TENM2: variants seen among roughly 807,000 people sequenced by gnomAD.
The protein encoded by TENM2 is teneurin transmembrane protein 2.
In TENM2, 52 loss-of-function variants were observed where a neutral mutation model predicts 245.2. The observed-to-expected ratio is 0.21, with a 90% CI of 0.17 to 0.27. TENM2 has a LOEUF of 0.27. Ranked by LOEUF, TENM2 falls within the 10% of genes least tolerant of loss-of-function variation. TENM2 has a pLI of 1.00. For missense variants in TENM2, 3,046 were observed against 3,666.8 expected (o/e 0.83, Z 4.37); for synonymous variants, 1,363 against 1,438.9 (o/e 0.95, Z 1.19).
intron 2 of TENM2, among the ~76,000 whole-genome samples, chr5:167,394,925 A>C (rs1331569700): frequency 1.3e-5 from 2 of 152,146 alleles, no homozygotes; most frequent in Admixed American, 1.3e-4. Context: ...AGGACATGTG[A>C]TGCCTCCAGC....
chr5:167,881,279 A>G (rs1428793521), intron 3 of TENM2, among the ~76,000 whole-genome samples: 1 of 152,176 alleles, frequency 6.6e-6, no homozygotes, highest in Non-Finnish European at 1.5e-5. Flanking sequence ...TGCTGATAAT[A>G]CTATCTTGCT....
chr5:167,216,427 T>C, the TENM2 span, among the ~76,000 whole-genome samples: 1 of 152,240 alleles, frequency 6.6e-6, no homozygotes, highest in Non-Finnish European at 1.5e-5. Context: ...CCACATTGTC[T>C]GTCTGCTATT....
chr5:167,570,483 GTA>G (rs1274489961), intron 2 of TENM2, among the ~76,000 whole-genome samples: 8 of 152,128 alleles, frequency 5.3e-5, no homozygotes, highest in African/African-American at 1.9e-4. Context: ...TAATAGAAAA[GTA>G]TTTGTTTGCC....
chr5:168,103,038 C>CA (rs1388640390), intron 9 of TENM2, among the ~76,000 whole-genome samples: 1 of 151,962 alleles, frequency 6.6e-6, no homozygotes, highest in Non-Finnish European at 1.5e-5. Flanking sequence ...CGCCTCCCCC[C>CA]ACCCCACAAC....
intron 1 of TENM2, among the ~76,000 whole-genome samples, chr5:167,320,092 T>C (rs1436522278): frequency 6.6e-6 from 1 of 152,202 alleles, no homozygotes; most frequent in African/African-American, 2.4e-5. Context: ...TAAGTACTTC[T>C]ATTAGTCCCA....
intron 2 of TENM2, among the ~76,000 whole-genome samples, chr5:167,548,882 T>C (rs1772747206): frequency 6.6e-6 from 1 of 152,198 alleles, no homozygotes. Flanking sequence ...AAATGTTCTA[T>C]TGCATTAGTT....
chr5:167,993,247 T>G (rs544334250), intron 5 of TENM2, 65 bp downstream of exon 7: 1 of 1,364,894 alleles, frequency 7.3e-7, no homozygotes, highest in African/African-American at 1.4e-5. Context: ...GGCCATGGAC[T>G]TGTGAATCTA....
At chr5:167,582,988 A>G (rs1775200333) in intron 2 of TENM2, among the ~76,000 whole-genome samples, 1 of 152,196 alleles carries the variant, frequency 6.6e-6, no homozygotes, top group Non-Finnish European at 1.5e-5. Context: ...ATATTAAGCT[A>G]AAATTGTTGA....
intron 4 of TENM2, among the ~76,000 whole-genome samples, chr5:167,990,372 T>C (rs940814127): frequency 5.3e-5 from 8 of 152,188 alleles, no homozygotes; most frequent in African/African-American, 1.4e-4. Flanking sequence ...GGCTGACACT[T>C]ACTATGGGAC....
intron 2 of TENM2, among the ~76,000 whole-genome samples, chr5:167,386,932 T>A (rs1761462638): frequency 6.6e-6 from 1 of 152,174 alleles, no homozygotes; most frequent in South Asian, 2.1e-4. Context: ...TAGTTTGAAA[T>A]CAGGTAATGT....
At chr5:167,839,878 C>T (rs942786737) in intron 2 of TENM2, among the ~76,000 whole-genome samples, 4 of 152,152 alleles carry the variant, frequency 2.6e-5, no homozygotes, top group African/African-American at 9.7e-5. Context: ...AGTGCAGTGG[C>T]ACGGTCTTGG....
chr5:167,876,596 T>G (rs144089918), intron 3 of TENM2, among the ~76,000 whole-genome samples: 1 of 151,548 alleles, frequency 6.6e-6, no homozygotes, highest in African/African-American at 2.4e-5. Context: ...GGTTTGTTTT[T>G]TGTTTTCTTG....
At chr5:168,219,037 C>A in intron 23 of TENM2, 38 bp downstream of exon 25, 1 of 1,582,686 alleles carries the variant, frequency 6.3e-7, no homozygotes. Flanking sequence ...AGAGCCCTTC[C>A]CTTGCCCTAG....
intron 2 of TENM2, among the ~76,000 whole-genome samples, chr5:167,768,349 T>C (rs10440702): frequency 0.043 from 6,519 of 152,270 alleles, 442 homozygotes; most frequent in African/African-American, 0.14. Flanking sequence ...TTTTAAACTA[T>C]TGAAAATCCA....
chr5:167,011,661 C>G, the TENM2 span, among the ~76,000 whole-genome samples: 1 of 152,158 alleles, frequency 6.6e-6, no homozygotes. Context: ...GGGAGTACCC[C>G]TTGTCCCTGT....
chr5:167,343,077 T>C (rs542339544), intron 1 of TENM2, among the ~76,000 whole-genome samples: 34 of 152,300 alleles, frequency 2.2e-4, no homozygotes, highest in Non-Finnish European at 4.4e-4. Context: ...TCCAAGTTAA[T>C]ACTATTTTAT....
chr5:167,742,855 C>A (rs1162186067), intron 2 of TENM2, among the ~76,000 whole-genome samples: 2 of 151,906 alleles, frequency 1.3e-5, no homozygotes, highest in Non-Finnish European at 2.9e-5. Context: ...ATAGTCCCAG[C>A]TACTCAGGAG....
chr5:167,339,778 G>T (rs903292192), intron 1 of TENM2, among the ~76,000 whole-genome samples: 5 of 151,966 alleles, frequency 3.3e-5, no homozygotes, highest in African/African-American at 1.2e-4. Flanking sequence ...TTATAAAAGG[G>T]CTTGATGGAG....
intron 5 of TENM2, among the ~76,000 whole-genome samples, chr5:168,036,679 A>ATATATATATATATATATGTATGTG (rs1787713478): frequency 9.5e-6 from 1 of 104,998 alleles, no homozygotes; most frequent in African/African-American, 5.4e-5. Flanking sequence ...ATGTATGTGT[A>ATATATATATATATATATGTATGTG]TATATATATA....
Sources: gnomAD v4.1 joint callset for allele counts (sites outside exome capture counted in the v4.1 genomes callset) on GRCh38, gnomAD v4.1.1 for gene constraint, MANE v1.5 for transcripts, NCBI Gene and HGNC (gene_info 2026-07-23, HGNC 2026-07-21) for gene names.